SIGLEC1: variants seen among roughly 807,000 people sequenced by gnomAD.
SIGLEC1 encodes sialoadhesin.
SIGLEC1 carries 132 observed loss-of-function variants against 148.0 expected under a neutral mutation model. The ratio of observed to expected loss-of-function variants is 0.89; its 90% confidence interval spans 0.77 to 1.03. The LOEUF (loss-of-function observed/expected upper bound fraction) is 1.03. Ranked by LOEUF, SIGLEC1 falls within the 50% of genes least tolerant of loss-of-function variation. The pLI, the probability that SIGLEC1 is intolerant of heterozygous loss-of-function variation, is 0.00. For synonymous variants in SIGLEC1, 945 were observed against 969.0 expected (o/e 0.98, Z 0.46); for missense variants, 2,253 against 2,271.4 (o/e 0.99, Z 0.16).
intron 21 of SIGLEC1, 100 bp from the exon 22 acceptor site, chr20:3,688,719 G>T: frequency 1.1e-6 from 1 of 892,120 alleles, no homozygotes; most frequent in Non-Finnish European, 1.7e-6. Flanking sequence ...ATTGGTGGGA[G>T]TGTGCATGGC....
chr20:3,705,452 AC>A (rs2087885161), intron 4 of SIGLEC1, among the ~76,000 whole-genome samples: 1 of 152,130 alleles, frequency 6.6e-6, no homozygotes, highest in Non-Finnish European at 1.5e-5. Context: ...CTTGCTGCCA[AC>A]CCTGAAGCTG....
rs1019147356 is a variant in SIGLEC1, at chr20:3,688,438, A to G, written c.*122T>C. 1.9e-5 allele frequency: 16 copies of G among 864,590 alleles called. No homozygotes were observed. The African/African-American group carries it at 2.7e-4, about 14-fold the overall frequency. The allele number at this position is 864,590 out of a possible 1,614,324, so 53.6% of individuals were successfully genotyped here. On this transcript the variant is annotated 3_prime_UTR_variant, in exon 22 of 22. Coordinates refer to ENST00000344754, the MANE Select transcript of SIGLEC1 (RefSeq NM_023068.4). The stretch of plus-strand genomic sequence containing the variant: ...TTGGGGCCAGGTCATAAAAAGTCAG[A>G]TGTCACAGAGCTGTTTTCGTAGAGG...
intron 17 of SIGLEC1, 67 bp downstream of exon 17, chr20:3,691,836 C>T: frequency 6.6e-7 from 1 of 1,505,462 alleles, no homozygotes; most frequent in South Asian, 1.3e-5. Context: ...GTGGGAGCTC[C>T]AGCCCCTCTC....
chr20:3,703,549 G>T, intron 5 of SIGLEC1, 98 bp from the exon 6 acceptor site: 1 of 1,440,940 alleles, frequency 6.9e-7, no homozygotes, highest in Non-Finnish European at 9.3e-7. Flanking sequence ...CTCAATCTCT[G>T]CACATCCTAC....
chr20:3,708,355 A>G (rs1034252621), intron 1 of SIGLEC1, among the ~76,000 whole-genome samples: 4 of 152,242 alleles, frequency 2.6e-5, no homozygotes, highest in Non-Finnish European at 5.9e-5. Flanking sequence ...AAGTGAAACT[A>G]TAAAACTCTT....
At chr20:3,705,426 G>A (rs1479855520) in intron 4 of SIGLEC1, among the ~76,000 whole-genome samples, 1 of 152,224 alleles carries the variant, frequency 6.6e-6, no homozygotes, top group Admixed American at 6.5e-5. Context: ...TCCAGCACGG[G>A]GTAAATCCCG....
rs762288873 is a variant in SIGLEC1 at position 3,698,016 on chromosome 20, T to C, written c.1904A>G (p.Gln635Arg). The change falls in exon 9 of 22, where the codon CAG (glutamine) becomes CGG (arginine). Residue 635 changes from glutamine (Q) to arginine (R), a missense_variant. By Grantham distance (43) the Gln-to-Arg change is conservative (BLOSUM62 1). Coordinates refer to ENST00000344754, the MANE Select transcript of SIGLEC1 (RefSeq NM_023068.4). ...CACAACACGGTCCTTGTGGAGCAGC[T>C]GCAGCCTGGCGGGGGGGTCGCTGTC... ...RVDSDPPARLQLLHKDRVVAT... is the reference protein window; with the variant it reads ...RVDSDPPARLRLLHKDRVVAT... The C allele has an allele frequency of 6.2e-7, 1 of 1,610,392 alleles. No homozygotes were observed. Among genetic ancestry groups the C allele is most frequent in the Admixed American group, 1.7e-5 (1 of 59,626 alleles).
At position 3,699,317 on chromosome 20, in the gene SIGLEC1, GC is replaced by G; in HGVS notation, c.1670del (p.Gly557AlafsTer107). The G allele has an allele frequency of 6.2e-7, 1 of 1,608,936 alleles. No individual in the cohort carries two copies. Among genetic ancestry groups the G allele is most frequent in the South Asian group, 1.1e-5 (1 of 89,920 alleles). ...LNGALLHEGP[G>X]SSLLLPAASS... Reference sequence around the variant, plus strand: ...AGGCCGCGGGGAGCAGGAGGCTGCTGCCGGGACCCTCGTGAAGCAGGGCTCC... The same window carrying G: ...AGGCCGCGGGGAGCAGGAGGCTGCTGCGGGACCCTCGTGAAGCAGGGCTCC... On this transcript the variant is annotated frameshift_variant, in exon 8 of 22. Coordinates refer to ENST00000344754, the MANE Select transcript of SIGLEC1 (RefSeq NM_023068.4). LOFTEE classifies it high-confidence loss of function.
Position 3,689,697 on chromosome 20 carries a change from G to A in SIGLEC1, c.4900C>T (p.His1634Tyr). 2 of 1,574,516 alleles carry A rather than the reference G, an allele frequency of 1.3e-6. No individual in the cohort carries two copies. Among genetic ancestry groups the A allele is most frequent in the South Asian group, 1.2e-5 (1 of 86,008 alleles). The change falls in exon 20 of 22, where the codon CAC becomes TAC. Residue 1634 changes from histidine to tyrosine, a missense_variant. His to Tyr is a moderately conservative substitution (Grantham distance 83). Transcript: ENST00000344754. ...TSTYFGVRAL[H>Y]RLHQFQQLLW... ...AGCTGCTGGAACTGATGCAGGCGGT[G>A]CAGGGCTGGAACACAGAGCGGGACT...
At position 3,693,465 on chromosome 20, in the gene SIGLEC1, T is replaced by A. The variant is rs916778027; in HGVS notation, c.3490A>T (p.Ile1164Phe). The stretch of plus-strand genomic sequence containing the variant: ...GACTCACAGAGGACGTCCAAGGTGA[T>A]AGGTCTGGAGAGGCGGGGTGCCCGA... The part of the protein sequence containing the change: ...PGRAPRLSRP[I>F]TLDVLYAPRN... Residue 1164 changes from isoleucine to phenylalanine, a missense_variant, in exon 14 of 22, where the codon ATC becomes TTC. By Grantham distance (21) the Ile-to-Phe change is conservative. Transcript: ENST00000344754. 3 of 1,588,508 alleles carry A rather than the reference T, an allele frequency of 1.9e-6. No homozygotes were observed. The African/African-American group carries it at 4.0e-5, about 21-fold the overall frequency.
rs1263191738 is a variant in SIGLEC1 at position 3,692,931 on chromosome 20, C to G, written c.3709G>C (p.Gly1237Arg). ...ELRGPQPRDEGFYSCSARSPL... is the reference protein window; with the variant it reads ...ELRGPQPRDERFYSCSARSPL... ...CTGCGGGCAGAGCAGCTGTAGAAAC[C>G]CTCATCCCTGGGCTGTGGCCCTCGC... Residue 1237 changes from glycine to arginine, a missense_variant, in exon 15 of 22, where the codon GGT becomes CGT. Gly to Arg is a moderately radical substitution (Grantham distance 125). Coordinates refer to ENST00000344754, the MANE Select transcript of SIGLEC1 (RefSeq NM_023068.4). 4.3e-6 allele frequency: 7 copies of G among 1,612,636 alleles called. No individual in the cohort carries two copies. The South Asian group carries it at 4.4e-5, about 10-fold the overall frequency.
rs1355299144 is a variant in SIGLEC1, at chr20:3,697,822, T to C, written c.2098A>G (p.Thr700Ala). 2 of 1,612,682 alleles carry C rather than the reference T, an allele frequency of 1.2e-6. No homozygotes were observed. The highest frequency in any genetic ancestry group is 8.5e-7 in the Non-Finnish European group (1 of 1,179,920). Residue 700 changes from threonine (T) to alanine (A), a missense_variant, in exon 9 of 22, where the codon ACC becomes GCC. Physicochemically the swap from Thr to Ala is moderately conservative, Grantham distance 58 (BLOSUM62 0). Coordinates refer to ENST00000344754, the MANE Select transcript of SIGLEC1 (RefSeq NM_023068.4). ...CCCTGGCCATTGAAGGTGGCTGAGGTGGAGGCGTTGCCCAGGGCATTGCTG... is the reference window on the plus strand; with the variant it reads ...CCCTGGCCATTGAAGGTGGCTGAGGCGGAGGCGTTGCCCAGGGCATTGCTG... Reference protein sequence around the residue: ...EASNALGNASTSATFNGQATV... With the variant: ...EASNALGNASASATFNGQATV...
At chr20:3,701,908 C>G (rs796941019) in intron 6 of SIGLEC1, among the ~76,000 whole-genome samples, 2 of 152,152 alleles carry the variant, frequency 1.3e-5, no homozygotes, top group Non-Finnish European at 2.9e-5. Context: ...ATAGAGAGAC[C>G]TGGTGAGGGA....
chr20:3,704,001 C>T lies in SIGLEC1; in HGVS notation c.797G>A (p.Ser266Asn). 1.2e-6 allele frequency: 2 copies of T among 1,612,946 alleles called. No individual in the cohort carries two copies. The highest frequency in any genetic ancestry group is 8.5e-7 in the Non-Finnish European group (1 of 1,179,310). Residue 266 changes from serine (S) to asparagine (N), a missense_variant, in exon 5 of 22, where the codon AGC becomes AAC. By Grantham distance (46) the Ser-to-Asn change is conservative. Coordinates refer to ENST00000344754, the MANE Select transcript of SIGLEC1 (RefSeq NM_023068.4). The part of the protein sequence containing the change: ...ELVTLTCQVN[S>N]SYPAVSSIKW... Reference sequence around the variant, plus strand: ...AATGGAACTGACTGCAGGGTAGCTGCTGTTCACCTGGCAGGTGAGTGTGAC... The same window carrying T: ...AATGGAACTGACTGCAGGGTAGCTGTTGTTCACCTGGCAGGTGAGTGTGAC...
At position 3,697,880 on chromosome 20, in the gene SIGLEC1, C is replaced by A; in HGVS notation, c.2040G>T (p.Leu680Phe). 6.2e-7 allele frequency: 1 copy of A among 1,613,160 alleles called. No individual in the cohort carries two copies. Among genetic ancestry groups the A allele is most frequent in the Non-Finnish European group, 8.5e-7 (1 of 1,179,996 alleles). Reference protein sequence around the residue: ...NLLRVEIHNPLLEEEGLYLCE... With the variant: ...NLLRVEIHNPFLEEEGLYLCE... The stretch of plus-strand genomic sequence containing the variant: ...AGAGGTACAAGCCCTCCTCTTCCAG[C>A]AAAGGGTTGTGAATCTCCACACGCA... Residue 680 changes from leucine (L) to phenylalanine (F), a missense_variant, in exon 9 of 22, where the codon TTG becomes TTT. Transcript: ENST00000344754.
At position 3,691,420 on chromosome 20, in the gene SIGLEC1, G is replaced by C. The variant is rs754879308; in HGVS notation, c.4511C>G (p.Ala1504Gly). ...PTLAFTHVAR[A>G]QAGMYHCLAE... ...CAGGCAGTGGTACATCCCAGCTTGAGCACGAGCCACGTGGGTGAAGGCGAG... is the reference window on the plus strand; with the variant it reads ...CAGGCAGTGGTACATCCCAGCTTGACCACGAGCCACGTGGGTGAAGGCGAG... The change falls in exon 18 of 22, where the codon GCT (alanine) becomes GGT (glycine). Residue 1504 changes from alanine (A) to glycine (G), a missense_variant. Ala to Gly is a moderately conservative substitution (Grantham distance 60, BLOSUM62 0). Coordinates refer to ENST00000344754, the MANE Select transcript of SIGLEC1 (RefSeq NM_023068.4). 5 of 1,613,326 alleles carry C rather than the reference G, an allele frequency of 3.1e-6. No individual in the cohort carries two copies. Among genetic ancestry groups the C allele is most frequent in the Non-Finnish European group, 4.2e-6 (5 of 1,180,018 alleles).
chr20:3,705,976 G>A lies in SIGLEC1; in HGVS notation c.474C>T (p.Phe158=). The change falls in exon 4 of 22, where the codon TTC becomes TTT. Residue 158 remains phenylalanine (F), a synonymous_variant. Transcript: ENST00000344754. ...VELLEGTEVD[F]NCSTPYVCLQ... The stretch of plus-strand genomic sequence containing the variant: ...GGCATACGTAGGGAGTGGAGCAGTT[G>A]AAGTCCACCTCTGTGCCCTCGAGAA... The A allele has an allele frequency of 6.2e-7, 1 of 1,614,040 alleles. No homozygotes were observed. Among genetic ancestry groups the A allele is most frequent in the Non-Finnish European group, 8.5e-7 (1 of 1,180,028 alleles).
In SIGLEC1 at chr20:3,692,943, G is replaced by A. The variant is rs1486077093; in HGVS notation, c.3697C>T (p.Pro1233Ser). The part of the protein sequence containing the change: ...TLRLELRGPQ[P>S]RDEGFYSCSA... ...CAGCTGTAGAAACCCTCATCCCTGG[G>A]CTGTGGCCCTCGCAGCTCCAGGCGC... is the stretch of plus-strand genomic sequence containing the variant. Residue 1233 changes from proline to serine, a missense_variant, in exon 15 of 22, where the codon CCC (proline) becomes TCC (serine). Transcript: ENST00000344754. 2 of 1,612,528 alleles carry A rather than the reference G, an allele frequency of 1.2e-6. No homozygotes were observed. Among genetic ancestry groups the A allele is most frequent in the African/African-American group, 2.7e-5 (2 of 74,936 alleles).
At position 3,703,274 on chromosome 20, in the gene SIGLEC1, T is replaced by A; in HGVS notation, c.1151A>T (p.Asp384Val). The A allele has an allele frequency of 6.2e-7, 1 of 1,614,156 alleles. No individual in the cohort carries two copies. The highest frequency in any genetic ancestry group is 8.5e-7 in the Non-Finnish European group (1 of 1,180,024). Residue 384 changes from aspartate to valine, a missense_variant, in exon 6 of 22, where the codon GAT becomes GTT. Asp to Val is a radical substitution (Grantham distance 152). Transcript: ENST00000344754. ...TLRLHLATRA[D>V]TGFYFCEVQN... ...CACCTCACAGAAGTAGAAGCCAGTA[T>A]CAGCCCTAGTGGCCAAGTGCAGCCG...
Sources: allele counts gnomAD v4.1 joint callset (sites outside exome capture counted in the v4.1 genomes callset), GRCh38; gene constraint gnomAD v4.1.1; transcripts MANE v1.5; gene names NCBI Gene and HGNC (gene_info 2026-07-23, HGNC 2026-07-21).